The following PODXL2 variants were observed in gnomAD, a reference collection of about 807,000 sequenced individuals.
The protein encoded by PODXL2 is podocalyxin like 2.
PODXL2 carries 17 observed loss-of-function variants against 53.4 expected under a neutral mutation model. That is an observed-to-expected ratio of 0.32 (90% confidence interval 0.22 to 0.48). The LOEUF (loss-of-function observed/expected upper bound fraction) is 0.48. Among genes scored for constraint, PODXL2 ranks in the 20% least tolerant of loss-of-function variants. PODXL2 has a pLI of 0.99. For synonymous variants in PODXL2, 311 were observed against 306.7 expected, an observed-to-expected ratio of 1.01 and a Z score of -0.15; for missense variants, 673 against 760.0, an observed-to-expected ratio of 0.89 and a Z score of 1.35.
At chr3:127,640,337 TTTAC>T (rs200662388) in intron 2 of PODXL2, among the ~76,000 whole-genome samples, 2,307 of 152,306 alleles carry the variant, frequency 0.015, 66 homozygotes, top group African/African-American at 0.052. Context: ...ATTTATTGGA[TTTAC>T]CTTTTCTAAT....
intron 1 of PODXL2, among the ~76,000 whole-genome samples, chr3:127,638,456 T>C (rs2074592000): frequency 6.6e-6 from 1 of 152,226 alleles, no homozygotes; most frequent in Admixed American, 6.5e-5. Flanking sequence ...GGCGCACGCC[T>C]GTAATGCCAG....
intron 4 of PODXL2, among the ~76,000 whole-genome samples, chr3:127,668,101 C>CGTGTGTGTGTGT (rs55716588): frequency 2.1e-5 from 3 of 145,758 alleles, no homozygotes; most frequent in Admixed American, 6.8e-5. Flanking sequence ...TACATGGCTG[C>CGTGTGTGTGTGT]GTGTGTGTGT....
In PODXL2 at chr3:127,629,412, G is replaced by T. The variant is rs1278098175; in HGVS notation, c.70+123G>T. 2.6e-6 allele frequency: 2 copies of T among 777,638 alleles called. No individual in the cohort carries two copies. Among genetic ancestry groups the T allele is most frequent in the Non-Finnish European group, 3.1e-6 (2 of 640,816 alleles). The allele number at this position is 777,638 out of a possible 1,614,324, so 48.2% of individuals were successfully genotyped here. On this transcript the variant is annotated intron_variant, in intron 1 of 7. Transcript: ENST00000342480. This position sits in a 1 kb window ranked among gnomAD's most constrained non-coding sequence, Gnocchi z 6.4. The stretch of plus-strand genomic sequence containing the variant: ...GCGCCGCCGGGAGCGCGCGTGTCCC[G>T]GCCGGGCCGCGGCGCCGCCCCGACA...
chr3:127,646,121 A>T (rs769650737), intron 2 of PODXL2, among the ~76,000 whole-genome samples: 3 of 152,186 alleles, frequency 2.0e-5, no homozygotes, highest in Non-Finnish European at 4.4e-5. Flanking sequence ...GCCCAGCACT[A>T]TGTTAGGGGT....
chr3:127,638,865 C>A (rs962471003), intron 1 of PODXL2, among the ~76,000 whole-genome samples: 1 of 152,208 alleles, frequency 6.6e-6, no homozygotes, highest in Non-Finnish European at 1.5e-5. Context: ...ACTGCTAGGT[C>A]CTTAAAAGCA....
In PODXL2 at chr3:127,660,750, C is replaced by T; in HGVS notation, c.722C>T (p.Pro241Leu). The change falls in exon 3 of 8, where the codon CCC becomes CTC. Residue 241 changes from proline (P) to leucine (L), a missense_variant. Transcript: ENST00000342480. ...GTGGAGGTGGAGAGCAGCATGGGGC[C>T]CAGCTTGCTGCTGCCTTCAGTCACC... ...SGVEVESSMG[P>L]SLLLPSVTPT... 1.9e-6 allele frequency: 3 copies of T among 1,614,182 alleles called. No individual in the cohort carries two copies. The highest frequency in any genetic ancestry group is 2.5e-6 in the Non-Finnish European group (3 of 1,180,022).
intron 2 of PODXL2, among the ~76,000 whole-genome samples, chr3:127,641,164 G>C (rs185665758): frequency 2.0e-4 from 30 of 152,116 alleles, no homozygotes; most frequent in African/African-American, 7.2e-4. Flanking sequence ...TGCCCGTCTC[G>C]GCCTCCCAAA....
At chr3:127,653,682 C>T (rs1475483493) in intron 2 of PODXL2, among the ~76,000 whole-genome samples, 2 of 151,782 alleles carry the variant, frequency 1.3e-5, no homozygotes, top group Non-Finnish European at 2.9e-5. Context: ...AAGTGTCTCT[C>T]ACATGTGCAC....
At chr3:127,640,334 G>A (rs2074607568) in intron 2 of PODXL2, among the ~76,000 whole-genome samples, 1 of 147,584 alleles carries the variant, frequency 6.8e-6, no homozygotes, top group Non-Finnish European at 1.5e-5. Flanking sequence ...AATATTTATT[G>A]GATTTACCTT....
At chr3:127,649,210 T>A (rs974427471) in intron 2 of PODXL2, among the ~76,000 whole-genome samples, 2 of 152,198 alleles carry the variant, frequency 1.3e-5, no homozygotes, top group Non-Finnish European at 2.9e-5. Flanking sequence ...GAAACCTCTT[T>A]CCAAGCCAGC....
At chr3:127,654,117 G>A (rs758898293) in intron 2 of PODXL2, among the ~76,000 whole-genome samples, 37 of 152,172 alleles carry the variant, frequency 2.4e-4, no homozygotes, top group Admixed American at 7.9e-4. Flanking sequence ...CCAGAATCAC[G>A]TACTGCATTT....
Position 127,672,485 on chromosome 3 carries a change from A to AG in PODXL2, c.*6dup. On this transcript the variant is annotated 3_prime_UTR_variant, in exon 8 of 8. Transcript: ENST00000342480. ...GAGGAGGACACGCACCTGTGAGCGC[A>AG]GCCGAGGCGCAGGCCGAGTGGGCCG... is the stretch of plus-strand genomic sequence containing the variant. 6.7e-7 allele frequency: 1 copy of AG among 1,484,292 alleles called. No homozygotes were observed. The highest frequency in any genetic ancestry group is 8.9e-7 in the Non-Finnish European group (1 of 1,117,816). 91.9% of individuals were successfully genotyped at this position (1,484,292 alleles called of 1,614,324 possible). A position where few individuals can be genotyped will look rare whatever the true frequency, so the allele number is the denominator to read the frequency against.
At chr3:127,657,000 C>T (rs1234581454) in intron 2 of PODXL2, among the ~76,000 whole-genome samples, 1 of 152,028 alleles carries the variant, frequency 6.6e-6, no homozygotes, top group Non-Finnish European at 1.5e-5. Flanking sequence ...GTGATTGCAC[C>T]ACTGCACTCC....
At chr3:127,652,502 G>A (rs2074696405) in intron 2 of PODXL2, among the ~76,000 whole-genome samples, 1 of 152,190 alleles carries the variant, frequency 6.6e-6, no homozygotes, top group African/African-American at 2.4e-5. Context: ...CTGAGCTGCA[G>A]CTTAGACATT....
intron 1 of PODXL2, among the ~76,000 whole-genome samples, chr3:127,630,497 A>G (rs2074537768): frequency 6.6e-6 from 1 of 152,214 alleles, no homozygotes; most frequent in South Asian, 2.1e-4. Flanking sequence ...AGACACAGGC[A>G]CTTTGTGTCC....
chr3:127,653,221 C>T (rs1220975297), intron 2 of PODXL2, among the ~76,000 whole-genome samples: 4 of 152,212 alleles, frequency 2.6e-5, no homozygotes, highest in Non-Finnish European at 5.9e-5. Context: ...ACTGTCTCAC[C>T]TGCTTCAGGG....
At chr3:127,642,119 G>A (rs1168676149) in intron 2 of PODXL2, among the ~76,000 whole-genome samples, 4 of 151,592 alleles carry the variant, frequency 2.6e-5, no homozygotes, top group East Asian at 2.0e-4. Context: ...GTGTAACTCC[G>A]TCTCTACTAA....
rs1297996976 is a variant in PODXL2, at chr3:127,672,259, C to A, written c.1606-9C>A. The A allele has an allele frequency of 6.5e-7, 1 of 1,541,382 alleles. No individual in the cohort carries two copies. The highest frequency in any genetic ancestry group is 2.0e-5 in the Admixed American group (1 of 51,012). On this transcript the variant is annotated splice_polypyrimidine_tract_variant and intron_variant, in intron 7 of 7. Transcript: ENST00000342480. The stretch of plus-strand genomic sequence containing the variant: ...CGCTCGCCCATGGCCTCTCCCCACC[C>A]CGCCTCAGTCGCACGGCGAGGAGCT...
chr3:127,636,094 A>C (rs751124346), intron 1 of PODXL2, among the ~76,000 whole-genome samples: 2 of 152,152 alleles, frequency 1.3e-5, no homozygotes, highest in Non-Finnish European at 2.9e-5. Flanking sequence ...TTGTGTAGCA[A>C]CTCACAAAGG....
Sources: allele counts gnomAD v4.1 joint callset (sites outside exome capture counted in the v4.1 genomes callset), GRCh38; gene constraint gnomAD v4.1.1; non-coding constraint Gnocchi (gnomAD v3.1); transcripts MANE v1.5; gene names NCBI Gene and HGNC (gene_info 2026-07-23, HGNC 2026-07-21).